Variants in TLL1 observed in about 807,000 individuals in gnomAD.
The protein encoded by TLL1 is tolloid like 1.
In TLL1, 49 loss-of-function variants were observed where a neutral mutation model predicts 128.2. The observed-to-expected ratio is 0.38, with a 90% confidence interval of 0.30 to 0.48. The LOEUF is 0.48. Among genes scored for constraint, TLL1 ranks in the 20% least tolerant of loss-of-function variants. The pLI, the probability that TLL1 is intolerant of heterozygous loss-of-function variation, is 0.96. For missense variants in TLL1, 1,123 were observed against 1,242.0 expected, an observed-to-expected ratio of 0.90 and a Z score of 1.44; for synonymous variants, 454 against 418.8, an observed-to-expected ratio of 1.08 and a Z score of -1.03.
chr4:166,039,518 A>G, intron 10 of TLL1, 77 bp downstream of exon 10: 1 of 1,010,238 alleles, frequency 9.9e-7, no homozygotes, highest in Non-Finnish European at 1.6e-6. Flanking sequence ...TTCTCTCAAG[A>G]GTCATCGTAG....
At position 166,067,984 on chromosome 4, in the gene TLL1, G is replaced by C. The variant is rs141903079; in HGVS notation, c.2188+2121G>C. On this transcript the variant is annotated intron_variant, in intron 16 of 20. Transcript: ENST00000061240. Reference sequence around the variant, plus strand: ...CATTAGTTCTTTTCCTTATGACCTGGAAAACAACAGCAGATATAATTTTCC... The same window carrying C: ...CATTAGTTCTTTTCCTTATGACCTGCAAAACAACAGCAGATATAATTTTCC... Among the ~76,000 whole-genome samples the C allele has an allele frequency of 4.0e-4, 61 of 151,774 alleles. 1 individual carries two copies. The East Asian group carries it at 0.011, about 27-fold the overall frequency.
At chr4:166,056,069 G>A (rs1156534469) in intron 13 of TLL1, among the ~76,000 whole-genome samples, 1 of 152,022 alleles carries the variant, frequency 6.6e-6, no homozygotes. Context: ...CAGTGTAATG[G>A]ATTTTCCCTG....
chr4:165,982,625 C>T (rs572388501), intron 1 of TLL1, among the ~76,000 whole-genome samples: 8 of 150,700 alleles, frequency 5.3e-5, no homozygotes, highest in Admixed American at 3.3e-4. Flanking sequence ...CAGTTTTTCT[C>T]AACCTATCAT....
chr4:165,961,984 A>G (rs1025902739), intron 1 of TLL1, among the ~76,000 whole-genome samples: 1 of 152,164 alleles, frequency 6.6e-6, no homozygotes, highest in Admixed American at 6.6e-5. Context: ...AAATCCTGGA[A>G]GAAAAACTAA....
Position 166,099,297 on chromosome 4 carries a change from G to A in TLL1, c.2677G>A (p.Ala893Thr). ...GGCAGAGTGTGGCGGACGATTGAAAGCAGAATCAAAACCAAGAGATCTGTA... is the reference window on the plus strand; with the variant it reads ...GGCAGAGTGTGGCGGACGATTGAAAACAGAATCAAAACCAAGAGATCTGTA... ...HSTECGGRLK[A>T]ESKPRDLYSH... Residue 893 changes from alanine to threonine, a missense_variant, in exon 20 of 21, where the codon GCA (alanine) becomes ACA (threonine). Transcript: ENST00000061240. 2 of 1,613,468 alleles carry A rather than the reference G, an allele frequency of 1.2e-6. No homozygotes were observed. Among genetic ancestry groups the A allele is most frequent in the Non-Finnish European group, 1.7e-6 (2 of 1,179,596 alleles).
intron 7 of TLL1, among the ~76,000 whole-genome samples, chr4:166,009,149 G>A (rs1451305120): frequency 6.6e-6 from 1 of 151,314 alleles, no homozygotes; most frequent in African/African-American, 2.4e-5. Context: ...TTTAAGTTTT[G>A]ATAGAAATAA....
chr4:166,016,780 A>G (rs1460659469), intron 8 of TLL1, among the ~76,000 whole-genome samples: 1 of 151,998 alleles, frequency 6.6e-6, no homozygotes, highest in Non-Finnish European at 1.5e-5. Flanking sequence ...AGGGACAGCT[A>G]AAAGAGATAT....
At chr4:165,948,199 G>A (rs1734346471) in intron 1 of TLL1, among the ~76,000 whole-genome samples, 1 of 152,130 alleles carries the variant, frequency 6.6e-6, no homozygotes, top group African/African-American at 2.4e-5. Flanking sequence ...TGGAACTGGT[G>A]TATTTATAAC....
chr4:165,893,492 T>A (rs1309681729), intron 1 of TLL1, among the ~76,000 whole-genome samples: 1 of 152,154 alleles, frequency 6.6e-6, no homozygotes, highest in Non-Finnish European at 1.5e-5. Flanking sequence ...AGCTAGAATT[T>A]CCAGGGTGAA....
chr4:165,884,183 C>A (rs1731080206), intron 1 of TLL1, among the ~76,000 whole-genome samples: 1 of 152,108 alleles, frequency 6.6e-6, no homozygotes, highest in Admixed American at 6.6e-5. Flanking sequence ...CTTCACATTG[C>A]CATTTGCAGG....
At chr4:166,083,393 GA>G (rs1481705319) in intron 18 of TLL1, among the ~76,000 whole-genome samples, 1 of 122,280 alleles carries the variant, frequency 8.2e-6, no homozygotes, top group Non-Finnish European at 1.9e-5. Flanking sequence ...TATTTGTGGG[GA>G]AAAAACACTT....
chr4:165,958,210 C>T (rs1463920850), intron 1 of TLL1, among the ~76,000 whole-genome samples: 10 of 142,800 alleles, frequency 7.0e-5, no homozygotes, highest in Admixed American at 2.1e-4. Flanking sequence ...ATTTATAGTC[C>T]TTTGGGTATA....
intron 5 of TLL1, 71 bp downstream of exon 5, chr4:165,995,249 G>A (rs1736821604): frequency 9.0e-7 from 1 of 1,116,490 alleles, no homozygotes; most frequent in African/African-American, 1.5e-5. Flanking sequence ...AATGTCCATA[G>A]GTAAGATTTA....
chr4:166,075,389 C>T (rs1464338521), intron 17 of TLL1, among the ~76,000 whole-genome samples: 1 of 152,124 alleles, frequency 6.6e-6, no homozygotes, highest in East Asian at 1.9e-4. Flanking sequence ...ATATCTTGTG[C>T]ATGTGCTACA....
At chr4:165,880,730 T>C (rs1344531099) in intron 1 of TLL1, among the ~76,000 whole-genome samples, 1 of 152,218 alleles carries the variant, frequency 6.6e-6, no homozygotes, top group Non-Finnish European at 1.5e-5. Flanking sequence ...GAGTTTTCCA[T>C]TGACGACATT....
intron 1 of TLL1, among the ~76,000 whole-genome samples, chr4:165,944,754 G>A (rs994333171): frequency 1.3e-5 from 2 of 152,086 alleles, no homozygotes; most frequent in South Asian, 4.1e-4. Flanking sequence ...AAATAAGATT[G>A]AAACTGGGAG....
At chr4:166,019,884 T>G (rs902048534) in intron 8 of TLL1, among the ~76,000 whole-genome samples, 4 of 152,172 alleles carry the variant, frequency 2.6e-5, no homozygotes, top group African/African-American at 9.7e-5. Flanking sequence ...GGTTGGTATA[T>G]GAAACCACAA....
chr4:165,957,701 CTT>C (rs568454587), intron 1 of TLL1, among the ~76,000 whole-genome samples: 2,278 of 135,786 alleles, frequency 0.017, 59 homozygotes, highest in East Asian at 0.048. Context: ...TTGGATCATT[CTT>C]TTTTTTTTTT....
intron 1 of TLL1, among the ~76,000 whole-genome samples, chr4:165,914,969 C>T (rs568045773): frequency 1.3e-5 from 2 of 152,316 alleles, no homozygotes; most frequent in African/African-American, 4.8e-5. Context: ...TGTCTGCCAA[C>T]AGTCCTGAGC....
Sources: allele counts gnomAD v4.1 joint callset (sites outside exome capture counted in the v4.1 genomes callset), GRCh38; gene constraint gnomAD v4.1.1; transcripts MANE v1.5; gene names NCBI Gene and HGNC (gene_info 2026-07-23, HGNC 2026-07-21).